FLG: variants seen among roughly 807,000 people sequenced by gnomAD.
FLG encodes the protein filaggrin, also known as epidermal filaggrin.
Under a neutral mutation model 3.8 loss-of-function variants are expected in FLG, and 6 were observed. The observed-to-expected ratio is 1.60, with a 90% CI of 0.87 to 3.15. FLG has a LOEUF of 3.15. Among genes scored for constraint, FLG ranks in the 30% most tolerant of loss-of-function variants. FLG has a pLI of 0.00. For synonymous variants in FLG, 2,551 were observed against 1,931.6 expected, an observed-to-expected ratio of 1.32 and a Z score of -8.41; for missense variants, 7,595 against 5,050.9, an observed-to-expected ratio of 1.50 and a Z score of -15.27.
Position 152,310,361 on chromosome 1 carries a change from C to A in FLG, c.4525G>T (p.Val1509Leu). Reference protein sequence around the residue: ...GRQGSYHEQSVDRSGHSGYHH... With the variant: ...GRQGSYHEQSLDRSGHSGYHH... ...TACCCTGAGTGTCCAGACCTATCTA[C>A]TGATTGCTCGTGGTAGGATCCCTGC... The change falls in exon 3 of 3, where the codon GTA becomes TTA. Residue 1509 changes from valine to leucine, a missense_variant. Coordinates refer to ENST00000368799, the MANE Select transcript of FLG (RefSeq NM_002016.2). The A allele has an allele frequency of 6.2e-7, 1 of 1,613,944 alleles. No individual in the cohort carries two copies. Among genetic ancestry groups the A allele is most frequent in the Non-Finnish European group, 8.5e-7 (1 of 1,180,004 alleles).
At chr1:152,323,763 G>A (rs1400599829) in intron 1 of FLG, among the ~76,000 whole-genome samples, 1 of 151,408 alleles carries the variant, frequency 6.6e-6, no homozygotes, top group Non-Finnish European at 1.5e-5. Context: ...AAGTCCTAGC[G>A]ATTTACTCTT....
Position 152,309,237 on chromosome 1 carries a change from C to T in FLG, c.5649G>A (p.Ser1883=), listed in dbSNP as rs147453929. 252 of 1,613,012 alleles carry T rather than the reference C, an allele frequency of 1.6e-4. 2 individuals carry two copies. In the African/African-American group the frequency reaches 2.1e-3, roughly 13 times the overall value. ...CCCGAGAGGAAGCTTCATGGTGACG[C>T]GACCCTGAGTGCCTGGAGCCGTCTC... ...QSGDGSRHSG[S]RHHEASSRAD... The change falls in exon 3 of 3, where the codon TCG becomes TCA. Residue 1883 remains serine, a synonymous_variant. Transcript: ENST00000368799.
rs527270651 is a variant in FLG at position 152,314,384 on chromosome 1, G to A, written c.502C>T (p.His168Tyr). 6.2e-7 allele frequency: 1 copy of A among 1,612,644 alleles called. No homozygotes were observed. Among genetic ancestry groups the A allele is most frequent in the East Asian group, 2.2e-5 (1 of 44,826 alleles). ...TTTTTTCCATATTCTTCTTCTCTATGAGTAGGTGAATATCCTTTTCTTTCT... is the reference window on the plus strand; with the variant it reads ...TTTTTTCCATATTCTTCTTCTCTATAAGTAGGTGAATATCCTTTTCTTTCT... Reference protein sequence around the residue: ...KKERKGYSPTHREEEYGKNHH... With the variant: ...KKERKGYSPTYREEEYGKNHH... The change falls in exon 3 of 3, where the codon CAT (histidine) becomes TAT (tyrosine). Residue 168 changes from histidine (H) to tyrosine (Y), a missense_variant. By Grantham distance (83) the His-to-Tyr change is moderately conservative. Coordinates refer to ENST00000368799, the MANE Select transcript of FLG (RefSeq NM_002016.2).
rs755718108 is a variant in FLG at position 152,303,890 on chromosome 1, C to T, written c.10996G>A (p.Asp3666Asn). 4.3e-6 allele frequency: 7 copies of T among 1,613,926 alleles called. No individual in the cohort carries two copies. The highest frequency in any genetic ancestry group is 5.9e-6 in the Non-Finnish European group (7 of 1,179,956). The change falls in exon 3 of 3, where the codon GAC becomes AAC. Residue 3666 changes from aspartate to asparagine, a missense_variant. Asp to Asn is a conservative substitution (Grantham distance 23, BLOSUM62 1). Transcript: ENST00000368799. ...HRGSSGSQAS[D>N]SEGHSEDSDT... is the part of the protein sequence containing the mutation. ...GAGTCTTCTGAATGTCCCTCACTGT[C>T]ACTGGCCTGACTACCACTGGACCCT... is the stretch of plus-strand genomic sequence containing the variant.
At position 152,304,080 on chromosome 1, in the gene FLG, A is replaced by C; in HGVS notation, c.10806T>G (p.His3602Gln). 2 of 1,611,836 alleles carry C rather than the reference A, an allele frequency of 1.2e-6. No individual in the cohort carries two copies. Among genetic ancestry groups the C allele is most frequent in the Non-Finnish European group, 1.7e-6 (2 of 1,179,786 alleles). Residue 3602 changes from histidine (H) to glutamine (Q), a missense_variant, in exon 3 of 3, where the codon CAT (histidine) becomes CAG (glutamine). Coordinates refer to ENST00000368799, the MANE Select transcript of FLG (RefSeq NM_002016.2). ...CCTGTCCACCAGAGGAATTCTCTGC[A>C]TGATGAGTGCCTGATTGTCTGGAGC... ...AESSRQSGTHHAENSSGGQAA... is the reference protein window; with the variant it reads ...AESSRQSGTHQAENSSGGQAA...
At position 152,310,902 on chromosome 1, in the gene FLG, T is replaced by A; in HGVS notation, c.3984A>T (p.Gln1328His). The A allele has an allele frequency of 6.2e-7, 1 of 1,613,972 alleles. No individual in the cohort carries two copies. Among genetic ancestry groups the A allele is most frequent in the Non-Finnish European group, 8.5e-7 (1 of 1,179,988 alleles). ...AAGACTCTGTGTGATGAGTGCCTGA[T>A]TGTCTGGAGCTGTCTGCAGAGTGCC... ...SHGHSADSSRQSGTHHTESSS... is the reference protein window; with the variant it reads ...SHGHSADSSRHSGTHHTESSS... The change falls in exon 3 of 3, where the codon CAA (glutamine) becomes CAT (histidine). Residue 1328 changes from glutamine (Q) to histidine (H), a missense_variant. Gln to His is a conservative substitution (Grantham distance 24). Coordinates refer to ENST00000368799, the MANE Select transcript of FLG (RefSeq NM_002016.2).
Position 152,310,869 on chromosome 1 carries a change from A to T in FLG, c.4017T>A (p.His1339Gln). The part of the protein sequence containing the change: ...SGTHHTESSS[H>Q]GQAVSSHEQA... ...GTTCATGGGATGACACAGCCTGTCC[A>T]TGAGAGGAAGACTCTGTGTGATGAG... Residue 1339 changes from histidine to glutamine, a missense_variant, in exon 3 of 3, where the codon CAT becomes CAA. Physicochemically the swap from His to Gln is conservative, Grantham distance 24. Transcript: ENST00000368799. The T allele has an allele frequency of 6.2e-7, 1 of 1,613,934 alleles. No homozygotes were observed. The highest frequency in any genetic ancestry group is 8.5e-7 in the Non-Finnish European group (1 of 1,179,976).
Position 152,305,404 on chromosome 1 carries a change from G to A in FLG, c.9482C>T (p.Ala3161Val). ...TTCCTCATTACGTGTTGTTCTGCTTGCACTTCTGGATCCTGACTGCCCACG... is the reference window on the plus strand; with the variant it reads ...TTCCTCATTACGTGTTGTTCTGCTTACACTTCTGGATCCTGACTGCCCACG... ...ASRGQSGSRS[A>V]SRTTRNEEQS... The change falls in exon 3 of 3, where the codon GCA (alanine) becomes GTA (valine). Residue 3161 changes from alanine to valine, a missense_variant. By Grantham distance (64) the Ala-to-Val change is moderately conservative (BLOSUM62 0). Transcript: ENST00000368799. 4 of 1,604,492 alleles carry A rather than the reference G, an allele frequency of 2.5e-6. No individual in the cohort carries two copies. Among genetic ancestry groups the A allele is most frequent in the Non-Finnish European group, 3.4e-6 (4 of 1,178,548 alleles).
rs746721058 is a variant in FLG, at chr1:152,314,307, T to C, written c.579A>G (p.Leu193=). 2 of 1,613,586 alleles carry C rather than the reference T, an allele frequency of 1.2e-6. No homozygotes were observed. Among genetic ancestry groups the C allele is most frequent in the Admixed American group, 3.3e-5 (2 of 60,022 alleles). Residue 193 remains leucine (L), a synonymous_variant, in exon 3 of 3, where the codon TTA becomes TTG. Transcript: ENST00000368799. ...KEKNKTENTR[L]GDNRKRLSER... ...CACTTAGCCTCTTCCTATTGTCTCC[T>C]AATCTAGTATTTTCAGTCTTGTTTT...
Position 152,313,858 on chromosome 1 carries a change from C to T in FLG, c.1028G>A (p.Arg343Lys). Residue 343 changes from arginine to lysine, a missense_variant, in exon 3 of 3, where the codon AGA becomes AAA. By Grantham distance (26) the Arg-to-Lys change is conservative (BLOSUM62 2). Coordinates refer to ENST00000368799, the MANE Select transcript of FLG (RefSeq NM_002016.2). ...SRHPRSHDED[R>K]ASHGHSADSS... ...GTCTGCAGAGTGCCCATGACTGGCT[C>T]TGTCTTCATCATGGGACCTGGGGTG... is the stretch of plus-strand genomic sequence containing the variant. 2 of 1,614,024 alleles carry T rather than the reference C, an allele frequency of 1.2e-6. No individual in the cohort carries two copies. Among genetic ancestry groups the T allele is most frequent in the Admixed American group, 1.7e-5 (1 of 60,014 alleles).
In FLG at chr1:152,304,404, T is replaced by C. The variant is rs140287233; in HGVS notation, c.10482A>G (p.Gln3494=). The change falls in exon 3 of 3, where the codon CAA becomes CAG. Residue 3494 remains glutamine (Q), a synonymous_variant. Transcript: ENST00000368799. ...SASRQTRNDE[Q]SGDGSRHSWS... ...ATGAGTGCCTGGAGCCATCTCCTGA[T>C]TGTTCGTCATTACGAGTTTGTCTGC... 1.8e-3 allele frequency: 2,882 copies of C among 1,611,452 alleles called. 57 individuals carry two copies. Among genetic ancestry groups the C allele is most frequent in the Non-Finnish European group, 2.3e-3 (2,729 of 1,179,000 alleles).
At position 152,309,625 on chromosome 1, in the gene FLG, T is replaced by G; in HGVS notation, c.5261A>C (p.Gln1754Pro). Residue 1754 changes from glutamine to proline, a missense_variant, in exon 3 of 3, where the codon CAG becomes CCG. Coordinates refer to ENST00000368799, the MANE Select transcript of FLG (RefSeq NM_002016.2). Reference sequence around the variant, plus strand: ...TGAACGTCCAGACCTTTCCCCTGACTGGCCACGTGTGGACTCTTGGTGGCT... The same window carrying G: ...TGAACGTCCAGACCTTTCCCCTGACGGGCCACGTGTGGACTCTTGGTGGCT... ...QQSHQESTRG[Q>P]SGERSGRSGS... 3 of 1,610,134 alleles carry G rather than the reference T, an allele frequency of 1.9e-6. No homozygotes were observed. The highest frequency in any genetic ancestry group is 1.1e-5 in the South Asian group (1 of 90,638).
chr1:152,310,911 G>A lies in FLG; in HGVS notation c.3975C>T (p.Ser1325=), dbSNP rs1398744993. 1 of 1,614,090 alleles carries A rather than the reference G, an allele frequency of 6.2e-7. No individual in the cohort carries two copies. The highest frequency in any genetic ancestry group is 2.2e-5 in the East Asian group (1 of 44,874). The change falls in exon 3 of 3, where the codon AGC becomes AGT. Residue 1325 remains serine (S), a synonymous_variant. Transcript: ENST00000368799. ...DRASHGHSAD[S]SRQSGTHHTE... ...TGTGATGAGTGCCTGATTGTCTGGAGCTGTCTGCAGAGTGCCCGTGACTGG... is the reference window on the plus strand; with the variant it reads ...TGTGATGAGTGCCTGATTGTCTGGAACTGTCTGCAGAGTGCCCGTGACTGG...
At position 152,313,720 on chromosome 1, in the gene FLG, T is replaced by C. The variant is rs750986591; in HGVS notation, c.1166A>G (p.Gln389Arg). 1.2e-6 allele frequency: 2 copies of C among 1,614,092 alleles called. No individual in the cohort carries two copies. Among genetic ancestry groups the C allele is most frequent in the South Asian group, 1.1e-5 (1 of 91,076 alleles). The change falls in exon 3 of 3, where the codon CAG becomes CGG. Residue 389 changes from glutamine (Q) to arginine (R), a missense_variant. Physicochemically the swap from Gln to Arg is conservative, Grantham distance 43. Coordinates refer to ENST00000368799, the MANE Select transcript of FLG (RefSeq NM_002016.2). ...SPGERHGSGH[Q>R]QSADSSRHSA... The stretch of plus-strand genomic sequence containing the variant: ...GTGTCTGGAGCTGTCTGCTGACTGC[T>C]GGTGGCCGGATCCATGTCTTTCTCC...
chr1:152,311,921 G>C lies in FLG; in HGVS notation c.2965C>G (p.His989Asp), dbSNP rs1236877129. 5.0e-6 allele frequency: 8 copies of C among 1,614,028 alleles called. No individual in the cohort carries two copies. The Admixed American group carries it at 5.0e-5, about 10-fold the overall frequency. ...TGCCCGTGACCGGCTCTGTCTTCGT[G>C]ATGGGACCTGGGGTGTCTGGAGCCA... The part of the protein sequence containing the change: ...RHGSRHPRSH[H>D]EDRAGHGHSA... Residue 989 changes from histidine to aspartate, a missense_variant, in exon 3 of 3, where the codon CAC (histidine) becomes GAC (aspartate). Transcript: ENST00000368799.
In FLG at chr1:152,304,918, G is replaced by C. The variant is rs758949175; in HGVS notation, c.9968C>G (p.Ala3323Gly). 6.2e-7 allele frequency: 1 copy of C among 1,613,746 alleles called. No homozygotes were observed. The change falls in exon 3 of 3, where the codon GCT (alanine) becomes GGT (glycine). Residue 3323 changes from alanine (A) to glycine (G), a missense_variant. Transcript: ENST00000368799. ...SRHSGIPRGQ[A>G]SSAVRDSRHW... ...TCTACTGTCTCTGACTGCAGATGAA[G>C]CTTGTCCACGCGGAATGCCTGAGTG... is the stretch of plus-strand genomic sequence containing the variant.
At position 152,311,952 on chromosome 1, in the gene FLG, T is replaced by C. The variant is rs751916546; in HGVS notation, c.2934A>G (p.Ser978=). The change falls in exon 3 of 3, where the codon TCA becomes TCG. Residue 978 remains serine, a synonymous_variant. Coordinates refer to ENST00000368799, the MANE Select transcript of FLG (RefSeq NM_002016.2). The part of the protein sequence containing the change: ...RNHRGSAQEQ[S]RHGSRHPRSH... ...ACCTGGGGTGTCTGGAGCCATGTCT[T>C]GACTGCTCCTGAGCAGATCCACGAT... 1 of 1,614,120 alleles carries C rather than the reference T, an allele frequency of 6.2e-7. No homozygotes were observed. Among genetic ancestry groups the C allele is most frequent in the South Asian group, 1.1e-5 (1 of 91,080 alleles).
rs1652564487 is a variant in FLG, at chr1:152,312,908, G to C, written c.1978C>G (p.Pro660Ala). Residue 660 changes from proline (P) to alanine (A), a missense_variant, in exon 3 of 3, where the codon CCC becomes GCC. Pro to Ala is a conservative substitution (Grantham distance 27). Coordinates refer to ENST00000368799, the MANE Select transcript of FLG (RefSeq NM_002016.2). ...QEQSRDGSRH[P>A]RSHHEDRAGH... ...GCTCTGTCTTCGTGATGGGACCTGG[G>C]GTGTCTGGAGCCATCTCTTGACTGC... 1 of 1,613,958 alleles carries C rather than the reference G, an allele frequency of 6.2e-7. No individual in the cohort carries two copies. Among genetic ancestry groups the C allele is most frequent in the Non-Finnish European group, 8.5e-7 (1 of 1,180,010 alleles).
At position 152,308,585 on chromosome 1, in the gene FLG, C is replaced by T. The variant is rs1206424647; in HGVS notation, c.6301G>A (p.Glu2101Lys). ...LYQVSTHEQS[E>K]STHGQSAPST... ...GGCGCAGACTGTCCATGGGTGGACT[C>T]AGACTGTTCATGAGTGCTCACCTGG... Residue 2101 changes from glutamate to lysine, a missense_variant, in exon 3 of 3, where the codon GAG becomes AAG. Coordinates refer to ENST00000368799, the MANE Select transcript of FLG (RefSeq NM_002016.2). 4 of 1,613,940 alleles carry T rather than the reference C, an allele frequency of 2.5e-6. No individual in the cohort carries two copies. The highest frequency in any genetic ancestry group is 3.4e-6 in the Non-Finnish European group (4 of 1,180,002).
Sources: allele counts gnomAD v4.1 joint callset (sites outside exome capture counted in the v4.1 genomes callset), GRCh38; gene constraint gnomAD v4.1.1; transcripts MANE v1.5; gene names NCBI Gene and HGNC (gene_info 2026-07-23, HGNC 2026-07-21).